GALNT1: variants seen among roughly 807,000 people sequenced by gnomAD.
GALNT1 encodes the protein polypeptide N-acetylgalactosaminyltransferase 1, also known as GalNAc transferase 1.
Under a neutral mutation model 65.7 loss-of-function variants are expected in GALNT1, and 17 were observed. The ratio of observed to expected loss-of-function variants is 0.26; its 90% CI spans 0.18 to 0.39. The LOEUF (loss-of-function observed/expected upper bound fraction) is 0.39. Among genes scored for constraint, GALNT1 ranks in the 10% least tolerant of loss-of-function variants. The probability of loss-of-function intolerance (pLI) is 1.00; values close to 1 mark genes in which losing one functional copy is unlikely to be tolerated. For synonymous variants in GALNT1, 210 were observed against 219.7 expected, an observed-to-expected ratio of 0.96 and a Z score of 0.39; for missense variants, 460 against 672.8, an observed-to-expected ratio of 0.68 and a Z score of 3.50.
chr18:35,627,241 T>C (rs1374657940), intron 1 of GALNT1, among the ~76,000 whole-genome samples: 1 of 152,234 alleles, frequency 6.6e-6, no homozygotes, highest in African/African-American at 2.4e-5. Flanking sequence ...CTAATTCATG[T>C]AATAGACATT....
At chr18:35,609,065 C>A (rs948897730) in intron 1 of GALNT1, among the ~76,000 whole-genome samples, 4 of 152,202 alleles carry the variant, frequency 2.6e-5, no homozygotes, top group African/African-American at 7.2e-5. Flanking sequence ...ACCCAGTTTT[C>A]CAGAAATCCA....
chr18:35,581,371 A>G (rs1368730053), upstream of GALNT1: 1 of 149,032 alleles, frequency 6.7e-6, no homozygotes, highest in Non-Finnish European at 1.5e-5. Context: ...CGGAGTCCCG[A>G]GCCCGAGGGG....
intron 1 of GALNT1, among the ~76,000 whole-genome samples, chr18:35,629,089 G>C (rs1363364971): frequency 6.6e-6 from 1 of 152,186 alleles, no homozygotes; most frequent in Non-Finnish European, 1.5e-5. Context: ...ATCTACATCT[G>C]ATTGGTGTAC....
At chr18:35,616,616 A>T (rs765000191) in intron 1 of GALNT1, among the ~76,000 whole-genome samples, 3 of 152,114 alleles carry the variant, frequency 2.0e-5, no homozygotes, top group Non-Finnish European at 4.4e-5. Flanking sequence ...CCTTTTGCTT[A>T]GCACAGGTTG....
At chr18:35,650,504 T>C (rs950720018) in intron 1 of GALNT1, among the ~76,000 whole-genome samples, 1 of 152,160 alleles carries the variant, frequency 6.6e-6, no homozygotes, top group Admixed American at 6.5e-5. Flanking sequence ...GGCGGGAATT[T>C]CCTCGTCCTA....
At chr18:35,608,118 G>T (rs979397815) in intron 1 of GALNT1, among the ~76,000 whole-genome samples, 1 of 151,884 alleles carries the variant, frequency 6.6e-6, no homozygotes, top group Non-Finnish European at 1.5e-5. Flanking sequence ...TCTCTAGTTA[G>T]TTAGATATTT....
chr18:35,631,258 G>A (rs571565201), intron 1 of GALNT1, among the ~76,000 whole-genome samples: 1 of 152,186 alleles, frequency 6.6e-6, no homozygotes, highest in Non-Finnish European at 1.5e-5. Context: ...TTTAAAAAAA[G>A]AGAATTTTAG....
At chr18:35,611,017 A>G (rs1200596995) in intron 1 of GALNT1, among the ~76,000 whole-genome samples, 2 of 124,504 alleles carry the variant, frequency 1.6e-5, no homozygotes, top group African/African-American at 7.0e-5. Context: ...GACCTTGCAG[A>G]CCCCTTGAAA....
At chr18:35,699,128 G>A (rs1025094073) in intron 9 of GALNT1, among the ~76,000 whole-genome samples, 13 of 152,046 alleles carry the variant, frequency 8.6e-5, no homozygotes, top group African/African-American at 3.1e-4. Context: ...CAAATCTATT[G>A]TTTTCAAATC....
At chr18:35,638,366 A>G (rs1048913757) in intron 1 of GALNT1, among the ~76,000 whole-genome samples, 2 of 152,118 alleles carry the variant, frequency 1.3e-5, no homozygotes, top group South Asian at 2.1e-4. Flanking sequence ...GGCCCTGACA[A>G]GCTGGTGCTG....
chr18:35,642,751 T>A (rs2144309623), intron 1 of GALNT1, among the ~76,000 whole-genome samples: 1 of 152,270 alleles, frequency 6.6e-6, no homozygotes, highest in Non-Finnish European at 1.5e-5. Context: ...TATTGCCCCC[T>A]CTTCCCTGGT....
intron 4 of GALNT1, among the ~76,000 whole-genome samples, chr18:35,681,019 T>C (rs2047779265): frequency 6.6e-6 from 1 of 152,184 alleles, no homozygotes; most frequent in Non-Finnish European, 1.5e-5. Flanking sequence ...TTATATTTAG[T>C]AGAGGTTAGG....
chr18:35,677,841 A>G, intron 4 of GALNT1, 84 bp downstream of exon 4: 4 of 975,296 alleles, frequency 4.1e-6, no homozygotes, highest in Non-Finnish European at 5.7e-6. Context: ...TTTTAACCTA[A>G]TAATTTTATA....
intron 1 of GALNT1, among the ~76,000 whole-genome samples, chr18:35,640,264 A>G (rs2047144014): frequency 6.6e-6 from 1 of 152,246 alleles, no homozygotes; most frequent in African/African-American, 2.4e-5. Context: ...TGTTATTAAT[A>G]CTAGAAATCT....
chr18:35,670,230 T>C (rs2047614816), intron 3 of GALNT1, among the ~76,000 whole-genome samples: 1 of 151,932 alleles, frequency 6.6e-6, no homozygotes, highest in African/African-American at 2.4e-5. Context: ...AGTTCGAGAT[T>C]GCAGTGAGCC....
At chr18:35,599,366 C>CTTT (rs60191738) in intron 1 of GALNT1, among the ~76,000 whole-genome samples, 10,875 of 122,564 alleles carry the variant, frequency 0.089, 611 homozygotes, top group Admixed American at 0.16. Flanking sequence ...GAGATTTACA[C>CTTT]TTTTTTTTTT....
At position 35,678,681 on chromosome 18, in the gene GALNT1, C is replaced by T. The variant is rs140800733; in HGVS notation, c.481+924C>T. Reference sequence around the variant, plus strand: ...TAGAGCTACAGAAAATAATTTCCTACTTCTTTTCTTCCTTCATCAGCCTTA... The same window carrying T: ...TAGAGCTACAGAAAATAATTTCCTATTTCTTTTCTTCCTTCATCAGCCTTA... On this transcript the variant is annotated intron_variant, in intron 4 of 11. Transcript: ENST00000269195. Among the ~76,000 whole-genome samples, 68 of 152,268 alleles carry T rather than the reference C, an allele frequency of 4.5e-4. No homozygotes were observed. In the East Asian group the frequency reaches 0.013, roughly 28 times the overall value.
intron 1 of GALNT1, among the ~76,000 whole-genome samples, chr18:35,639,066 A>G (rs779887260): frequency 6.0e-4 from 92 of 152,256 alleles, no homozygotes; most frequent in Admixed American, 2.3e-3. Context: ...AAAATTTAGA[A>G]TAATCCATAA....
intron 2 of GALNT1, among the ~76,000 whole-genome samples, chr18:35,660,120 T>TA: frequency 6.6e-6 from 1 of 152,178 alleles, no homozygotes; most frequent in Non-Finnish European, 1.5e-5. Flanking sequence ...ATAGTGAATA[T>TA]AGTGCATAAG....
Sources: gnomAD v4.1 joint callset for allele counts (sites outside exome capture counted in the v4.1 genomes callset) on GRCh38, gnomAD v4.1.1 for gene constraint, MANE v1.5 for transcripts, NCBI Gene and HGNC (gene_info 2026-07-23, HGNC 2026-07-21) for gene names.